The following ZNF469 variants were observed in gnomAD, a reference collection of about 807,000 sequenced individuals.
ZNF469 encodes zinc finger protein 469.
ZNF469 carries 1 observed loss-of-function variant against 1.0 expected under a neutral mutation model. The observed-to-expected ratio is 1.00, with a 90% confidence interval of 0.35 to 4.73. The LOEUF (loss-of-function observed/expected upper bound fraction) is 4.73, where lower values mean the gene tolerates loss of function less well. ZNF469 is among the 30% of genes most tolerant of loss of function. ZNF469 has a pLI of 0.16. For synonymous variants in ZNF469, 2,703 were observed against 2,363.4 expected (o/e 1.14, Z -4.17); for missense variants, 6,100 against 5,356.3 (o/e 1.14, Z -4.33).
chr16:88,116,886 C>G, the ZNF469 span, among the ~76,000 whole-genome samples: 1 of 148,190 alleles, frequency 6.7e-6, no homozygotes, highest in Non-Finnish European at 1.5e-5. Context: ...ATGGTTAGTG[C>G]TTTGGTGGTG....
At chr16:88,170,179 T>C in the ZNF469 span, among the ~76,000 whole-genome samples, 2 of 152,188 alleles carry the variant, frequency 1.3e-5, no homozygotes, top group Non-Finnish European at 2.9e-5. The surrounding 1 kb of genome is among the most constrained non-coding windows in gnomAD (Gnocchi z 4.2). Context: ...AAATGGAAAT[T>C]GAATAGAGTT....
chr16:88,328,975 C>A, the ZNF469 span, among the ~76,000 whole-genome samples: 4 of 152,178 alleles, frequency 2.6e-5, no homozygotes, highest in Admixed American at 1.3e-4. Context: ...ATGTTCTCCA[C>A]GGGGTCCCGA....
At chr16:88,304,231 A>G in the ZNF469 span, among the ~76,000 whole-genome samples, 3 of 152,212 alleles carry the variant, frequency 2.0e-5, no homozygotes, top group Non-Finnish European at 4.4e-5. Flanking sequence ...CTGGGAGGTC[A>G]CGGATGCCCC....
chr16:88,347,822 T>G, the ZNF469 span, among the ~76,000 whole-genome samples: 6 of 152,198 alleles, frequency 3.9e-5, no homozygotes, highest in East Asian at 1.2e-3. Flanking sequence ...CCTGGGACCA[T>G]TGGATGTGTT....
chr16:88,429,593 C>T lies in ZNF469; in HGVS notation c.2123C>T (p.Ala708Val), dbSNP rs1327795344. The T allele has an allele frequency of 1.8e-5, 28 of 1,549,320 alleles. No homozygotes were observed. The highest frequency in any genetic ancestry group is 7.9e-5 in the Admixed American group (4 of 50,940). The change falls in exon 3 of 3, where the codon GCG (alanine) becomes GTG (valine). Residue 708 changes from alanine to valine, a missense_variant. Ala to Val is a moderately conservative substitution (Grantham distance 64). Transcript: ENST00000565624. The stretch of plus-strand genomic sequence containing the variant: ...GGAGGGCTGCAGGGCTTCCCCCGTG[C>T]GCCGCCTCCGTACCCCACACACCAC... ...GRGGLQGFPR[A>V]PPPYPTHHFS...
the ZNF469 span, among the ~76,000 whole-genome samples, chr16:88,272,473 G>A: frequency 7.5e-5 from 10 of 133,678 alleles, no homozygotes; most frequent in African/African-American, 2.7e-4. Context: ...TGAACAGGGG[G>A]GTGTATGGAT....
At chr16:88,216,985 C>G in the ZNF469 span, among the ~76,000 whole-genome samples, 1 of 152,094 alleles carries the variant, frequency 6.6e-6, no homozygotes, top group East Asian at 1.9e-4. Flanking sequence ...TCATCTGTTC[C>G]TCTATTTTCC....
At chr16:88,404,178 C>T (rs959514887) in intron 1 of ZNF469, among the ~76,000 whole-genome samples, 9 of 151,544 alleles carry the variant, frequency 5.9e-5, no homozygotes, top group African/African-American at 1.9e-4. Flanking sequence ...GTCACAGCCC[C>T]ACACCCCCGG....
the ZNF469 span, among the ~76,000 whole-genome samples, chr16:88,234,553 G>T: frequency 6.6e-6 from 1 of 152,226 alleles, no homozygotes; most frequent in South Asian, 2.1e-4. Flanking sequence ...CGCGGACCAG[G>T]GCTGACCGTG....
chr16:88,157,148 A>C, the ZNF469 span, among the ~76,000 whole-genome samples: 1 of 151,574 alleles, frequency 6.6e-6, no homozygotes, highest in Non-Finnish European at 1.5e-5. Flanking sequence ...GCACCAGGGC[A>C]CACAGGCAGC....
the ZNF469 span, among the ~76,000 whole-genome samples, chr16:88,251,536 G>GTGTTTTTTTTTTTTTTTTTTTTT: frequency 1.1e-4 from 9 of 78,788 alleles, no homozygotes; most frequent in Non-Finnish European, 9.3e-5. Context: ...TGTCCCTGCT[G>GTGTTTTTTTTTTTTTTTTTTTTT]TCTTTTTTTT....
At chr16:88,345,130 C>A in the ZNF469 span, among the ~76,000 whole-genome samples, 2 of 152,222 alleles carry the variant, frequency 1.3e-5, no homozygotes, top group African/African-American at 4.8e-5. Flanking sequence ...GGTCATAGGG[C>A]ATGTTGCTGA....
At chr16:88,258,651 A>G in the ZNF469 span, among the ~76,000 whole-genome samples, 3 of 147,812 alleles carry the variant, frequency 2.0e-5, no homozygotes, top group Non-Finnish European at 3.0e-5. Flanking sequence ...AGACACTTGG[A>G]GATTTGAGCG....
At chr16:88,294,508 C>T in the ZNF469 span, among the ~76,000 whole-genome samples, 1 of 152,174 alleles carries the variant, frequency 6.6e-6, no homozygotes, top group East Asian at 1.9e-4. Flanking sequence ...TCCCAGGCTA[C>T]TCAAAGACAC....
chr16:88,235,101 G>A, the ZNF469 span, among the ~76,000 whole-genome samples: 2 of 152,142 alleles, frequency 1.3e-5, no homozygotes, highest in Admixed American at 6.5e-5. Flanking sequence ...AAGGCCCGGC[G>A]CTGGGGCTGC....
chr16:88,124,037 A>G, the ZNF469 span, among the ~76,000 whole-genome samples: 1 of 152,214 alleles, frequency 6.6e-6, no homozygotes, highest in Non-Finnish European at 1.5e-5. Context: ...TCCTGAACTC[A>G]GGTGAACCAG....
At chr16:88,198,413 G>T in the ZNF469 span, among the ~76,000 whole-genome samples, 3 of 152,338 alleles carry the variant, frequency 2.0e-5, no homozygotes, top group South Asian at 4.1e-4. Context: ...GGCTATTGCA[G>T]TTGTCCAAAC....
chr16:88,142,771 G>A, the ZNF469 span, among the ~76,000 whole-genome samples: 2,871 of 152,340 alleles, frequency 0.019, 31 homozygotes, highest in Non-Finnish European at 0.029. Context: ...CGTCGCTGTG[G>A]ATCCCACCCG....
At chr16:88,248,382 C>T in the ZNF469 span, among the ~76,000 whole-genome samples, 2 of 152,110 alleles carry the variant, frequency 1.3e-5, no homozygotes, top group Non-Finnish European at 2.9e-5. Flanking sequence ...AAATATTGGT[C>T]CAGTTTCTCT....
Sources: gnomAD v4.1 joint callset for allele counts (sites outside exome capture counted in the v4.1 genomes callset) on GRCh38, gnomAD v4.1.1 for gene constraint, Gnocchi (gnomAD v3.1) non-coding constraint, MANE v1.5 for transcripts, NCBI Gene and HGNC (gene_info 2026-07-23, HGNC 2026-07-21) for gene names.